NKAIN3: variants seen among roughly 807,000 people sequenced by gnomAD.
The protein encoded by NKAIN3 is sodium/potassium transporting ATPase interacting 3, also known as sodium/potassium-transporting ATPase subunit beta-1-interacting protein 3.
In NKAIN3, 25 loss-of-function variants were observed where a neutral mutation model predicts 30.2. The ratio of observed to expected loss-of-function variants is 0.83; its 90% CI spans 0.60 to 1.16. NKAIN3 has a LOEUF of 1.16. NKAIN3 is among the 50% of genes most tolerant of loss of function. The pLI, the probability that NKAIN3 is intolerant of heterozygous loss-of-function variation, is 0.00. For synonymous variants in NKAIN3, 91 were observed against 89.6 expected, an observed-to-expected ratio of 1.02 and a Z score of -0.09; for missense variants, 225 against 254.1, an observed-to-expected ratio of 0.89 and a Z score of 0.78.
chr8:62,822,806 G>A (rs1818889687), intron 4 of NKAIN3, among the ~76,000 whole-genome samples: 1 of 152,084 alleles, frequency 6.6e-6, no homozygotes, highest in South Asian at 2.1e-4. Context: ...GCATTCTTAG[G>A]CAATTTTGTC....
At chr8:62,870,367 T>G (rs1011003041) in intron 4 of NKAIN3, among the ~76,000 whole-genome samples, 3 of 137,480 alleles carry the variant, frequency 2.2e-5, no homozygotes, top group East Asian at 4.1e-4. Flanking sequence ...ATGCATATAC[T>G]AAATATATAC....
intron 3 of NKAIN3, among the ~76,000 whole-genome samples, chr8:62,733,953 C>T (rs1352863960): frequency 6.6e-6 from 1 of 152,112 alleles, no homozygotes; most frequent in Non-Finnish European, 1.5e-5. Flanking sequence ...ATTCTCTTCC[C>T]TTTAGTGATT....
At chr8:62,932,078 T>G (rs898586719) in intron 5 of NKAIN3, among the ~76,000 whole-genome samples, 3 of 152,238 alleles carry the variant, frequency 2.0e-5, no homozygotes, top group African/African-American at 7.2e-5. Context: ...GACTTTTAAG[T>G]CCCTTAAATA....
chr8:62,315,245 A>T (rs1814577932), intron 1 of NKAIN3, among the ~76,000 whole-genome samples: 2 of 152,352 alleles, frequency 1.3e-5, no homozygotes, highest in East Asian at 3.9e-4. Context: ...GAAGGCTCTT[A>T]TATAGCAACT....
intron 3 of NKAIN3, 29 bp downstream of exon 3, chr8:62,589,823 T>G (rs774040340): frequency 1.6e-6 from 2 of 1,215,186 alleles, no homozygotes; most frequent in South Asian, 1.2e-5. Context: ...TAAAGTACAC[T>G]TTAAAATGAG....
intron 4 of NKAIN3, among the ~76,000 whole-genome samples, chr8:62,804,601 T>C (rs368691741): frequency 6.6e-5 from 10 of 152,112 alleles, no homozygotes; most frequent in South Asian, 2.1e-4. Flanking sequence ...AATTCAACAA[T>C]GCTTCATGCT....
At chr8:62,833,568 A>G (rs141521835) in intron 4 of NKAIN3, among the ~76,000 whole-genome samples, 201 of 152,224 alleles carry the variant, frequency 1.3e-3, no homozygotes, top group African/African-American at 4.7e-3. Context: ...CACAAACTAG[A>G]AAATCCAGAG....
In NKAIN3 at chr8:62,980,723, C is replaced by T. The variant is rs1824056328; in HGVS notation, c.*15316C>T. The T allele has an allele frequency of 6.6e-6, 1 of 152,268 alleles. No individual in the cohort carries two copies. Among genetic ancestry groups the T allele is most frequent in the South Asian group, 2.1e-4 (1 of 4,830 alleles). 9.4% of individuals were successfully genotyped at this position (152,268 alleles called of 1,614,324 possible). A position where few individuals can be genotyped will look rare whatever the true frequency, so the allele number is the denominator to read the frequency against. On this transcript the variant is annotated 3_prime_UTR_variant, in exon 7 of 7. Transcript: ENST00000623646. Reference sequence around the variant, plus strand: ...GATATTTTTAGGCAAAACATAATGTCTGGAGCACCAAGTGAAATAACTGTG... The same window carrying T: ...GATATTTTTAGGCAAAACATAATGTTTGGAGCACCAAGTGAAATAACTGTG...
intron 3 of NKAIN3, among the ~76,000 whole-genome samples, chr8:62,649,219 T>C (rs7007264): frequency 0.39 from 58,761 of 152,170 alleles, 13,415 homozygotes; most frequent in South Asian, 0.51. Flanking sequence ...TGTGGATTCC[T>C]GTGATTCTAG....
chr8:62,919,994 G>A (rs1235019227), intron 5 of NKAIN3, among the ~76,000 whole-genome samples: 6 of 150,844 alleles, frequency 4.0e-5, no homozygotes, highest in Non-Finnish European at 8.8e-5. Context: ...TCATTTTGAG[G>A]TTAACTTCAA....
At chr8:62,513,655 C>T (rs1044844920) in intron 1 of NKAIN3, among the ~76,000 whole-genome samples, 2 of 151,500 alleles carry the variant, frequency 1.3e-5, no homozygotes, top group African/African-American at 4.9e-5. Context: ...GATACTTGAG[C>T]CAAGGAGTTT....
chr8:62,527,020 C>G (rs570799534), intron 1 of NKAIN3, among the ~76,000 whole-genome samples: 2 of 152,162 alleles, frequency 1.3e-5, no homozygotes, highest in Non-Finnish European at 2.9e-5. Context: ...CTGTCTTTTC[C>G]GCATATTCTC....
rs1823927951 is a variant in NKAIN3 at position 62,975,767 on chromosome 8, T to A, written c.*10360T>A. Among the ~76,000 whole-genome samples, 1 of 152,174 alleles carries A rather than the reference T, an allele frequency of 6.6e-6. No individual in the cohort carries two copies. Among genetic ancestry groups the A allele is most frequent in the South Asian group, 2.1e-4 (1 of 4,832 alleles). ...GTGATGTTAGCGTGTTGATTGTAGATGTTTAGATTTTAGATGTTTAGATGT... is the reference window on the plus strand; with the variant it reads ...GTGATGTTAGCGTGTTGATTGTAGAAGTTTAGATTTTAGATGTTTAGATGT... On this transcript the variant is annotated 3_prime_UTR_variant, in exon 7 of 7. Transcript: ENST00000623646.
intron 1 of NKAIN3, among the ~76,000 whole-genome samples, chr8:62,332,560 A>G (rs907098797): frequency 1.3e-5 from 2 of 152,214 alleles, no homozygotes; most frequent in African/African-American, 2.4e-5. Context: ...CATGGATAAT[A>G]ATGTAATTTC....
At chr8:62,386,548 A>G (rs1346599043) in intron 1 of NKAIN3, among the ~76,000 whole-genome samples, 1 of 152,214 alleles carries the variant, frequency 6.6e-6, no homozygotes, top group East Asian at 1.9e-4. Flanking sequence ...AATTTTTAAA[A>G]TAAATTACAA....
At chr8:62,584,029 A>T (rs1301930875) in intron 2 of NKAIN3, among the ~76,000 whole-genome samples, 2 of 152,126 alleles carry the variant, frequency 1.3e-5, no homozygotes, top group Non-Finnish European at 2.9e-5. Flanking sequence ...TCTGATATTT[A>T]AAAAAACTGA....
At chr8:62,726,699 A>G (rs749067277) in intron 3 of NKAIN3, among the ~76,000 whole-genome samples, 14 of 152,182 alleles carry the variant, frequency 9.2e-5, no homozygotes, top group Middle Eastern at 3.4e-3. Context: ...AGGAAATTCA[A>G]TCAATAATTA....
intron 1 of NKAIN3, among the ~76,000 whole-genome samples, chr8:62,250,023 A>T (rs1212808829): frequency 2.6e-5 from 4 of 152,198 alleles, no homozygotes; most frequent in Non-Finnish European, 5.9e-5. Context: ...CCCTTGCGTT[A>T]TACTTCAGAC....
chr8:62,639,426 G>A (rs1185395247), intron 3 of NKAIN3, among the ~76,000 whole-genome samples: 1 of 152,066 alleles, frequency 6.6e-6, no homozygotes, highest in Non-Finnish European at 1.5e-5. Flanking sequence ...GGGTTTGGAA[G>A]GAATCCCTCT....
Sources: gnomAD v4.1 joint callset for allele counts (sites outside exome capture counted in the v4.1 genomes callset) on GRCh38, gnomAD v4.1.1 for gene constraint, MANE v1.5 for transcripts, NCBI Gene and HGNC (gene_info 2026-07-23, HGNC 2026-07-21) for gene names.